Variants in EFR3A observed in about 807,000 individuals in gnomAD.
The protein encoded by EFR3A is protein EFR3 homolog A.
EFR3A carries 76 observed loss-of-function variants against 104.4 expected under a neutral mutation model. The ratio of observed to expected loss-of-function variants is 0.73; its 90% CI spans 0.60 to 0.88. The LOEUF is 0.88. Among genes scored for constraint, EFR3A ranks in the 40% least tolerant of loss-of-function variants. The pLI is 0.00. For synonymous variants in EFR3A, 330 were observed against 330.0 expected (o/e 1.00, Z 0.00); for missense variants, 985 against 1,012.5 (o/e 0.97, Z 0.37).
At chr8:132,003,455 T>C (rs562466914) in intron 22 of EFR3A, among the ~76,000 whole-genome samples, 170 bp downstream of exon 22, 1 of 152,300 alleles carries the variant, frequency 6.6e-6, no homozygotes, top group South Asian at 2.1e-4. Context: ...AGTGATTCTG[T>C]TTTTTAGGCA....
At chr8:131,932,061 A>T (rs1032869230) in intron 1 of EFR3A, among the ~76,000 whole-genome samples, 1 of 152,098 alleles carries the variant, frequency 6.6e-6, no homozygotes, top group Non-Finnish European at 1.5e-5. Flanking sequence ...CCATGTAAAT[A>T]AGTGATTTGC....
At chr8:131,939,264 G>A (rs4354289) in intron 1 of EFR3A, among the ~76,000 whole-genome samples, 50,958 of 151,838 alleles carry the variant, frequency 0.34, 8,949 homozygotes, top group East Asian at 0.61. Flanking sequence ...ACAAAGTAAC[G>A]CACCCAGCCC....
intron 3 of EFR3A, among the ~76,000 whole-genome samples, chr8:131,945,709 A>G (rs866781952): frequency 3.9e-5 from 6 of 152,114 alleles, no homozygotes; most frequent in African/African-American, 1.4e-4. Context: ...TCACATGTAC[A>G]GAATGTGTAA....
At chr8:131,998,131 G>A (rs1012742161) in intron 19 of EFR3A, among the ~76,000 whole-genome samples, 1 of 151,948 alleles carries the variant, frequency 6.6e-6, no homozygotes, top group African/African-American at 2.4e-5. Context: ...TACCATTGTG[G>A]AATCTGCTTT....
intron 1 of EFR3A, among the ~76,000 whole-genome samples, chr8:131,936,534 C>T (rs1267410239): frequency 6.6e-6 from 1 of 151,868 alleles, no homozygotes; most frequent in Admixed American, 6.6e-5. Context: ...CACATGCTCT[C>T]TCTGTCTCTC....
intron 4 of EFR3A, 132 bp downstream of exon 4, chr8:131,946,765 G>A (rs1434775459): frequency 2.4e-6 from 2 of 827,786 alleles, no homozygotes; most frequent in Non-Finnish European, 3.4e-6. Flanking sequence ...CACAAATTAA[G>A]ATAATTAGAA....
chr8:131,944,984 G>A, intron 3 of EFR3A, 112 bp downstream of exon 3: 1 of 1,171,630 alleles, frequency 8.5e-7, no homozygotes, highest in Non-Finnish European at 1.2e-6. Context: ...ATATATAGAG[G>A]ATAAAACATT....
chr8:131,945,146 A>G (rs1292345855), intron 3 of EFR3A, among the ~76,000 whole-genome samples: 2 of 151,976 alleles, frequency 1.3e-5, no homozygotes, highest in South Asian at 2.1e-4. Context: ...CTAATGGGAA[A>G]TAGTAGAAAT....
intron 18 of EFR3A, among the ~76,000 whole-genome samples, chr8:131,988,896 A>T (rs941360958): frequency 8.6e-5 from 13 of 152,016 alleles, no homozygotes; most frequent in African/African-American, 3.1e-4. Context: ...TTATAGCCCT[A>T]GTTTATTTTT....
chr8:131,996,463 A>T lies in EFR3A; in HGVS notation c.2123A>T (p.Asp708Val), dbSNP rs781373739. 6.2e-7 allele frequency: 1 copy of T among 1,602,748 alleles called. No homozygotes were observed. Among genetic ancestry groups the T allele is most frequent in the Non-Finnish European group, 8.5e-7 (1 of 1,175,414 alleles). Residue 708 changes from aspartate (D) to valine (V), a missense_variant, in exon 19 of 23, where the codon GAT becomes GTT. Transcript: ENST00000254624. ...GTGGACACCGTATCCATTCAGGTGG[A>T]TATTTTATCCAACAATGTTCCTTCT... ...SIVDTVSIQV[D>V]ILSNNVPSDD...
At chr8:132,008,528 CATATT>C (rs1176677705) in intron 22 of EFR3A, among the ~76,000 whole-genome samples, 1 of 151,822 alleles carries the variant, frequency 6.6e-6, no homozygotes, top group Non-Finnish European at 1.5e-5. Flanking sequence ...ATCTGAAAAA[CATATT>C]AAGTAACAGA....
intron 12 of EFR3A, 129 bp downstream of exon 12, chr8:131,977,221 TC>T (rs1820368798): frequency 1.7e-6 from 1 of 587,282 alleles, no homozygotes; most frequent in Admixed American, 3.8e-5. Flanking sequence ...TTTATTATGT[TC>T]TTCATTTTAA....
At chr8:131,941,711 T>G (rs1156448927) in intron 2 of EFR3A, among the ~76,000 whole-genome samples, 1 of 151,756 alleles carries the variant, frequency 6.6e-6, no homozygotes, top group Non-Finnish European at 1.5e-5. Context: ...GAGGTATCAC[T>G]GTGGGTTGGG....
At chr8:131,977,705 A>T (rs541106363) in intron 12 of EFR3A, among the ~76,000 whole-genome samples, 1 of 152,272 alleles carries the variant, frequency 6.6e-6, no homozygotes, top group East Asian at 1.9e-4. Flanking sequence ...ACTATACATG[A>T]TCTAATTTTT....
rs1185442281 is a variant in EFR3A at position 131,957,350 on chromosome 8, C to CTTTTTT, written c.776+1458_776+1463dup. Among the ~76,000 whole-genome samples the CTTTTTT allele has an allele frequency of 2.4e-5, 3 of 125,966 alleles. 1 individual carries two copies. The highest frequency in any genetic ancestry group is 2.4e-4 in the East Asian group (1 of 4,254). 82.6% of individuals were successfully genotyped at this position (125,966 alleles called of 152,430 possible). On this transcript the variant is annotated intron_variant, in intron 7 of 22. Transcript: ENST00000254624. ...TAATTTGAAGATTTAGGGCCAGGGTCTTTTTTTTTTTTTTTTTTGAGACAG... is the reference window on the plus strand; with the variant it reads ...TAATTTGAAGATTTAGGGCCAGGGTCTTTTTTTTTTTTTTTTTTTTTTTTGAGACAG...
chr8:131,948,937 C>T (rs1037853595), intron 4 of EFR3A, among the ~76,000 whole-genome samples: 2 of 152,052 alleles, frequency 1.3e-5, no homozygotes, highest in African/African-American at 4.8e-5. Context: ...CTAATGCCAA[C>T]TCAATATGAC....
rs1198282671 is a variant in EFR3A at position 131,970,648 on chromosome 8, G to A, written c.1159+5G>A. The stretch of plus-strand genomic sequence containing the variant: ...ATGCTATCATCCAAACAATAGGTGA[G>A]TACATTTCACTTTTCAAAACTATCA... On this transcript the variant is annotated splice_donor_5th_base_variant and intron_variant, in intron 10 of 22. Coordinates refer to ENST00000254624, the MANE Select transcript of EFR3A (RefSeq NM_015137.6). The A allele has an allele frequency of 1.9e-6, 3 of 1,608,640 alleles. No individual in the cohort carries two copies. The highest frequency in any genetic ancestry group is 2.5e-6 in the Non-Finnish European group (3 of 1,177,380).
At chr8:131,990,122 C>T (rs761733064) in intron 18 of EFR3A, among the ~76,000 whole-genome samples, 9 of 152,288 alleles carry the variant, frequency 5.9e-5, no homozygotes, top group African/African-American at 1.4e-4. Context: ...ATGAACAAGA[C>T]GGGTAGGTCC....
chr8:131,963,961 A>C (rs560260825), intron 8 of EFR3A, among the ~76,000 whole-genome samples: 52 of 152,320 alleles, frequency 3.4e-4, no homozygotes, highest in Admixed American at 8.5e-4. Context: ...ACAGAACCAA[A>C]GACAAAAACC....
Sources: allele counts gnomAD v4.1 joint callset (sites outside exome capture counted in the v4.1 genomes callset), GRCh38; gene constraint gnomAD v4.1.1; transcripts MANE v1.5; gene names NCBI Gene and HGNC (gene_info 2026-07-23, HGNC 2026-07-21).